Variants in MYO1A observed in about 807,000 individuals in gnomAD.
The protein encoded by MYO1A is myosin IA.
In MYO1A, 127 loss-of-function variants were observed where a neutral mutation model predicts 138.5. That is an observed-to-expected ratio of 0.92 (90% confidence interval 0.79 to 1.06). The LOEUF is 1.06. MYO1A is among the 50% of genes least tolerant of loss of function. The probability of loss-of-function intolerance (pLI) is 0.00; values close to 1 mark genes in which losing one functional copy is unlikely to be tolerated. For missense variants in MYO1A, 1,211 were observed against 1,288.8 expected (o/e 0.94, Z 0.92); for synonymous variants, 477 against 497.5 (o/e 0.96, Z 0.55).
In MYO1A at chr12:57,028,624, C is replaced by T; in HGVS notation, c.*131G>A. Reference sequence around the variant, plus strand: ...AAGGGTTTGGGACAAGGGTCCTCTTCAAGGGTAGTTTAATCCCCAAGCCAT... The same window carrying T: ...AAGGGTTTGGGACAAGGGTCCTCTTTAAGGGTAGTTTAATCCCCAAGCCAT... On this transcript the variant is annotated 3_prime_UTR_variant, in exon 28 of 28. Transcript: ENST00000300119. The T allele has an allele frequency of 7.7e-7, 1 of 1,298,550 alleles. No individual in the cohort carries two copies. Among genetic ancestry groups the T allele is most frequent in the East Asian group, 2.3e-5 (1 of 42,962 alleles). 80.4% of individuals were successfully genotyped at this position (1,298,550 alleles called of 1,614,324 possible).
rs758679679 is a variant in MYO1A, at chr12:57,030,324, G to A, written c.2485-8C>T. On this transcript the variant is annotated splice_region_variant and splice_polypyrimidine_tract_variant and intron_variant, in intron 23 of 27. Transcript: ENST00000300119. Reference sequence around the variant, plus strand: ...ATCCCGGAACCTCTTGCACTGTGAGGAAGGAGGGACAGGAGCTAAAATCAT... The same window carrying A: ...ATCCCGGAACCTCTTGCACTGTGAGAAAGGAGGGACAGGAGCTAAAATCAT... 16 of 1,575,604 alleles carry A rather than the reference G, an allele frequency of 1.0e-5. No homozygotes were observed. The highest frequency in any genetic ancestry group is 2.7e-5 in the African/African-American group (2 of 73,988).
chr12:57,046,821 G>A, intron 7 of MYO1A, 42 bp downstream of exon 7: 1 of 1,599,308 alleles, frequency 6.3e-7, no homozygotes, highest in Non-Finnish European at 8.6e-7. Flanking sequence ...GGCCATGGGA[G>A]GCAGGTGGAA....
In MYO1A at chr12:57,047,730, G is replaced by C. The variant is rs762743706; in HGVS notation, c.231-9C>G. 1.9e-6 allele frequency: 3 copies of C among 1,613,922 alleles called. No homozygotes were observed. Among genetic ancestry groups the C allele is most frequent in the Non-Finnish European group, 2.5e-6 (3 of 1,179,818 alleles). On this transcript the variant is annotated splice_polypyrimidine_tract_variant and intron_variant, in intron 3 of 27. Transcript: ENST00000300119. The stretch of plus-strand genomic sequence containing the variant: ...CATTTGCCAATGCGTAGCTTGTGGG[G>C]AGGAAGTGGGCAATGACTATTGTGA...
rs759929380 is a variant in MYO1A, at chr12:57,047,702, C to T, written c.250G>A (p.Ala84Thr). 10 of 1,614,084 alleles carry T rather than the reference C, an allele frequency of 6.2e-6. No individual in the cohort carries two copies. The African/African-American group carries it at 1.3e-4, about 22-fold the overall frequency. The part of the protein sequence containing the change: ...KPHIYALANV[A>T]YQSLRDRDRD... ...TCCCTGTCCCTCAGTGACTGGTACG[C>T]CACATTTGCCAATGCGTAGCTTGTG... Residue 84 changes from alanine (A) to threonine (T), a missense_variant, in exon 4 of 28, where the codon GCG becomes ACG. Physicochemically the swap from Ala to Thr is moderately conservative, Grantham distance 58. Coordinates refer to ENST00000300119, the MANE Select transcript of MYO1A (RefSeq NM_005379.4).
rs780093068 is a variant in MYO1A, at chr12:57,047,658, G to A, written c.294C>T (p.Leu98=). The A allele has an allele frequency of 6.2e-7, 1 of 1,614,248 alleles. No homozygotes were observed. Among genetic ancestry groups the A allele is most frequent in the South Asian group, 1.1e-5 (1 of 91,086 alleles). The part of the protein sequence containing the change: ...LRDRDRDQCI[L]ITGESGSGKT... ...TCCCTGATCCACTCTCGCCTGTGAT[G>A]AGGATACACTGGTCTCGGTCCCTGT... is the stretch of plus-strand genomic sequence containing the variant. Residue 98 remains leucine (L), a synonymous_variant, in exon 4 of 28, where the codon CTC becomes CTT. Transcript: ENST00000300119.
At chr12:57,036,613 C>T (rs907425166) in intron 21 of MYO1A, among the ~76,000 whole-genome samples, 159 bp downstream of exon 21, 1 of 152,150 alleles carries the variant, frequency 6.6e-6, no homozygotes, top group African/African-American at 2.4e-5. Context: ...GTCTCCCCTA[C>T]AGGCCTCTCA....
chr12:57,038,541 C>G lies in MYO1A; in HGVS notation c.1631G>C (p.Arg544Pro), dbSNP rs148129294. ...AMWKAQHPLL[R>P]SLFPEGNPKQ... ...AGGATTGCCCTCAGGAAACAAGGAC[C>G]GAAGGAGGGGGTGCTGGGCCTTCCA... The change falls in exon 17 of 28, where the codon CGG becomes CCG. Residue 544 changes from arginine to proline, a missense_variant. Physicochemically the swap from Arg to Pro is moderately radical, Grantham distance 103. Transcript: ENST00000300119. 8 of 1,614,036 alleles carry G rather than the reference C, an allele frequency of 5.0e-6. No individual in the cohort carries two copies. The highest frequency in any genetic ancestry group is 6.8e-6 in the Non-Finnish European group (8 of 1,180,030).
At chr12:57,043,776 G>A in intron 10 of MYO1A, 80 bp downstream of exon 10, 1 of 1,586,976 alleles carries the variant, frequency 6.3e-7, no homozygotes, top group African/African-American at 1.3e-5. Context: ...GATCAATTAT[G>A]CTAGAGATGG....
intron 10 of MYO1A, 60 bp from the exon 11 acceptor site, chr12:57,043,418 T>A: frequency 6.6e-7 from 1 of 1,504,384 alleles, no homozygotes; most frequent in East Asian, 2.3e-5. Flanking sequence ...GGGGAGGGAG[T>A]GCAATCTGAT....
chr12:57,042,266 ACTCAGCATAATGTTTTCCAGG>A (rs1452265130), intron 12 of MYO1A, among the ~76,000 whole-genome samples: 1 of 152,108 alleles, frequency 6.6e-6, no homozygotes, highest in African/African-American at 2.4e-5. Context: ...ACCTTCTTTC[ACTCAGCATAATGTTTTCCAGG>A]CTCATCAATC....
At chr12:57,039,797 T>A (rs1043902456) in intron 14 of MYO1A, among the ~76,000 whole-genome samples, 4 of 152,194 alleles carry the variant, frequency 2.6e-5, no homozygotes, top group Admixed American at 6.5e-5. Context: ...TGGGTCCCAC[T>A]CCCCAAGTTT....
chr12:57,047,329 A>G lies in MYO1A; in HGVS notation c.404T>C (p.Leu135Pro). 6.2e-7 allele frequency: 1 copy of G among 1,614,168 alleles called. No homozygotes were observed. The highest frequency in any genetic ancestry group is 8.5e-7 in the Non-Finnish European group (1 of 1,180,002). ...GEQVNSVKEQ[L>P]LQSNPVLEAF... Reference sequence around the variant, plus strand: ...CTCCAGCACTGGGTTAGACTGTAGCAGCTGCTCCTTCACAGAGTTCACCTG... The same window carrying G: ...CTCCAGCACTGGGTTAGACTGTAGCGGCTGCTCCTTCACAGAGTTCACCTG... The change falls in exon 5 of 28, where the codon CTG becomes CCG. Residue 135 changes from leucine (L) to proline (P), a missense_variant. By Grantham distance (98) the Leu-to-Pro change is moderately conservative. Transcript: ENST00000300119.
chr12:57,029,830 C>T lies in MYO1A; in HGVS notation c.2634G>A (p.Gly878=). ...PFCGDYIGLQ[G]NPKLQKLKGG... ...CTTTCAGCTTCTGCAGCTTGGGGTT[C>T]CCTTGCAGCCCAATGTAGTCACCAC... The change falls in exon 25 of 28, where the codon GGG becomes GGA. Residue 878 remains glycine, a synonymous_variant. Coordinates refer to ENST00000300119, the MANE Select transcript of MYO1A (RefSeq NM_005379.4). The T allele has an allele frequency of 1.2e-6, 2 of 1,614,190 alleles. No homozygotes were observed. Among genetic ancestry groups the T allele is most frequent in the Non-Finnish European group, 1.7e-6 (2 of 1,180,046 alleles).
intron 16 of MYO1A, 47 bp downstream of exon 16, chr12:57,038,762 G>A: frequency 6.2e-7 from 1 of 1,612,704 alleles, no homozygotes; most frequent in South Asian, 1.1e-5. Flanking sequence ...ATTGACTTCA[G>A]TCTGGGCCTG....
chr12:57,036,844 T>A lies in MYO1A; in HGVS notation c.2206-4A>T. On this transcript the variant is annotated splice_region_variant and splice_polypyrimidine_tract_variant and intron_variant, in intron 20 of 27. Coordinates refer to ENST00000300119, the MANE Select transcript of MYO1A (RefSeq NM_005379.4). ...TCTTCCCATAGCATTTCTTTTGCTG[T>A]AGAAAACATAGGAGTTGTTAGAAAA... 6.2e-7 allele frequency: 1 copy of A among 1,614,240 alleles called. No homozygotes were observed. Among genetic ancestry groups the A allele is most frequent in the African/African-American group, 1.3e-5 (1 of 75,060 alleles).
chr12:57,041,407 G>A (rs777149177), intron 13 of MYO1A, 25 bp downstream of exon 13: 1 of 1,607,010 alleles, frequency 6.2e-7, no homozygotes, highest in Non-Finnish European at 8.5e-7. Flanking sequence ...TAGGGGAGCA[G>A]GGTGCTGAGG....
rs187358592 is a variant in MYO1A at position 57,032,598 on chromosome 12, G to A, written c.2350-1424C>T. The stretch of plus-strand genomic sequence containing the variant: ...CTCTAGAGGTTGAGACAGGAGAATC[G>A]CTTGAACCCGGGAGGTGGAGGTTGC... On this transcript the variant is annotated intron_variant, in intron 22 of 27. Transcript: ENST00000300119. Among the ~76,000 whole-genome samples the A allele has an allele frequency of 7.2e-5, 11 of 152,196 alleles. No homozygotes were observed. The East Asian group carries it at 1.2e-3, about 16-fold the overall frequency.
intron 3 of MYO1A, 49 bp from the exon 4 acceptor site, chr12:57,047,770 A>G (rs2031176571): frequency 6.2e-7 from 1 of 1,608,880 alleles, no homozygotes; most frequent in East Asian, 2.2e-5. Flanking sequence ...AGTTCAAGAC[A>G]CCATCTTTCA....
chr12:57,032,134 G>A (rs190146743), intron 22 of MYO1A, among the ~76,000 whole-genome samples: 115 of 152,234 alleles, frequency 7.6e-4, no homozygotes, highest in African/African-American at 2.6e-3. Flanking sequence ...CCCAAGCCCC[G>A]GATTGCCTCT....
Sources: allele counts gnomAD v4.1 joint callset (sites outside exome capture counted in the v4.1 genomes callset), GRCh38; gene constraint gnomAD v4.1.1; transcripts MANE v1.5; gene names NCBI Gene and HGNC (gene_info 2026-07-23, HGNC 2026-07-21).